The following DPP10 variants were observed in gnomAD, a reference collection of about 807,000 sequenced individuals.
The protein encoded by DPP10 is dipeptidyl peptidase like 10.
In DPP10, 33 loss-of-function variants were observed where a neutral mutation model predicts 120.9. The observed-to-expected ratio is 0.27, with a 90% CI of 0.21 to 0.37. The LOEUF (loss-of-function observed/expected upper bound fraction) is 0.37. Among genes scored for constraint, DPP10 ranks in the 10% least tolerant of loss-of-function variants. The probability of loss-of-function intolerance (pLI) is 1.00; values close to 1 mark genes in which losing one functional copy is unlikely to be tolerated. For missense variants in DPP10, 816 were observed against 942.8 expected, an observed-to-expected ratio of 0.87 and a Z score of 1.76; for synonymous variants, 337 against 326.1, an observed-to-expected ratio of 1.03 and a Z score of -0.36.
intron 1 of DPP10, among the ~76,000 whole-genome samples, chr2:114,659,176 C>T (rs1301838468): frequency 6.6e-6 from 1 of 152,144 alleles, no homozygotes; most frequent in East Asian, 1.9e-4. Flanking sequence ...ATAAATTACC[C>T]AGTCTCAGGT....
intron 3 of DPP10, among the ~76,000 whole-genome samples, chr2:115,388,543 A>C (rs1470209895): frequency 1.3e-5 from 2 of 152,158 alleles, no homozygotes; most frequent in Non-Finnish European, 2.9e-5. Context: ...TGCTGCTTGG[A>C]CAAATACTTC....
At chr2:114,700,512 TA>T (rs1259600860) in intron 1 of DPP10, among the ~76,000 whole-genome samples, 1 of 152,172 alleles carries the variant, frequency 6.6e-6, no homozygotes, top group African/African-American at 2.4e-5. Flanking sequence ...AGTTTCAAGA[TA>T]AATTGGTTCT....
At chr2:114,529,781 A>T (rs1030643227) in intron 1 of DPP10, among the ~76,000 whole-genome samples, 4 of 152,068 alleles carry the variant, frequency 2.6e-5, no homozygotes, top group African/African-American at 9.7e-5. Flanking sequence ...AGATTATTTC[A>T]TCACACAGGT....
intron 1 of DPP10, among the ~76,000 whole-genome samples, chr2:114,488,176 G>A (rs557223229): frequency 1.3e-5 from 2 of 152,236 alleles, no homozygotes; most frequent in East Asian, 1.9e-4. Context: ...AATATGTCAG[G>A]GCCCACCTGT....
intron 5 of DPP10, among the ~76,000 whole-genome samples, chr2:115,632,470 G>C (rs955254378): frequency 1.3e-5 from 2 of 152,026 alleles, no homozygotes; most frequent in African/African-American, 4.8e-5. Flanking sequence ...TTTTTGTAAT[G>C]GCTGTTAACG....
chr2:115,005,628 T>C (rs1292138008), intron 1 of DPP10, among the ~76,000 whole-genome samples: 1 of 151,646 alleles, frequency 6.6e-6, no homozygotes, highest in African/African-American at 2.4e-5. Context: ...TAATGGAAGA[T>C]GAAATGAATG....
chr2:115,171,365 A>T, intron 1 of DPP10, among the ~76,000 whole-genome samples: 1 of 151,614 alleles, frequency 6.6e-6, no homozygotes, highest in Non-Finnish European at 1.5e-5. Flanking sequence ...CATCAAAAAA[A>T]AAAAAAAAAG....
intron 1 of DPP10, among the ~76,000 whole-genome samples, chr2:114,534,062 T>C (rs529181617): frequency 6.6e-6 from 1 of 152,364 alleles, no homozygotes; most frequent in Non-Finnish European, 1.5e-5. Flanking sequence ...CAGTATATTC[T>C]CTTAACTTTA....
rs184324644 is a variant in DPP10, at chr2:115,096,845, C to T, written c.61-212394C>T. On this transcript the variant is annotated intron_variant, in intron 1 of 25. Coordinates refer to ENST00000410059, the MANE Select transcript of DPP10 (RefSeq NM_020868.6). ...TTGTTATTTATTTGTCGTAACAGTTCGTCTCAGATGTGATAGATACACAGT... is the reference window on the plus strand; with the variant it reads ...TTGTTATTTATTTGTCGTAACAGTTTGTCTCAGATGTGATAGATACACAGT... Among the ~76,000 whole-genome samples the T allele has an allele frequency of 2.4e-4, 37 of 152,174 alleles. No homozygotes were observed. In the East Asian group the frequency reaches 5.4e-3, roughly 22 times the overall value.
chr2:115,465,915 A>C (rs1042504993), intron 3 of DPP10, among the ~76,000 whole-genome samples: 2 of 152,164 alleles, frequency 1.3e-5, no homozygotes, highest in African/African-American at 4.8e-5. Context: ...GCCATGAGTC[A>C]AACACTATCG....
intron 1 of DPP10, among the ~76,000 whole-genome samples, chr2:114,988,617 T>G (rs1007229013): frequency 6.6e-6 from 1 of 152,226 alleles, no homozygotes; most frequent in African/African-American, 2.4e-5. Context: ...TTTGTAGCCC[T>G]TTTTCTCATC....
chr2:115,050,459 C>A (rs542307189), intron 1 of DPP10, among the ~76,000 whole-genome samples: 22 of 152,164 alleles, frequency 1.4e-4, no homozygotes, highest in African/African-American at 5.3e-4. Flanking sequence ...TGGAACTCTC[C>A]CAGTGCTGAG....
At chr2:114,578,231 G>A (rs79757962) in intron 1 of DPP10, among the ~76,000 whole-genome samples, 1,529 of 152,262 alleles carry the variant, frequency 0.01, 28 homozygotes, top group African/African-American at 0.034. Flanking sequence ...TTATACAAAT[G>A]TATGTAATGC....
chr2:114,443,934 C>G (rs545060364), intron 1 of DPP10, among the ~76,000 whole-genome samples: 1 of 152,198 alleles, frequency 6.6e-6, no homozygotes, highest in South Asian at 2.1e-4. Flanking sequence ...ATGAATTTAC[C>G]TACCGTTTGC....
chr2:115,408,113 G>GT, intron 3 of DPP10, among the ~76,000 whole-genome samples: 1 of 152,134 alleles, frequency 6.6e-6, no homozygotes, highest in East Asian at 1.9e-4. Context: ...CCATCCATGG[G>GT]TGTTAAAGTG....
At chr2:114,527,827 G>C (rs1037277752) in intron 1 of DPP10, among the ~76,000 whole-genome samples, 1 of 152,100 alleles carries the variant, frequency 6.6e-6, no homozygotes, top group Non-Finnish European at 1.5e-5. Flanking sequence ...GCATGTTACT[G>C]TACTGAATAC....
chr2:114,523,244 G>C (rs1050807528), intron 1 of DPP10, among the ~76,000 whole-genome samples: 1 of 152,168 alleles, frequency 6.6e-6, no homozygotes, highest in Non-Finnish European at 1.5e-5. Context: ...GAGGTGAGGG[G>C]CTGGACTTTT....
intron 1 of DPP10, among the ~76,000 whole-genome samples, chr2:114,534,420 G>A (rs1049449579): frequency 6.6e-6 from 1 of 152,102 alleles, no homozygotes; most frequent in African/African-American, 2.4e-5. Context: ...CTACTCAGAG[G>A]TTTATTTGAA....
chr2:115,618,225 G>A (rs1163468900), intron 5 of DPP10, among the ~76,000 whole-genome samples: 1 of 152,164 alleles, frequency 6.6e-6, no homozygotes, highest in Non-Finnish European at 1.5e-5. Flanking sequence ...CTAGGGATGA[G>A]TGTTTTGAAA....
Sources: allele counts gnomAD v4.1 joint callset (sites outside exome capture counted in the v4.1 genomes callset), GRCh38; gene constraint gnomAD v4.1.1; transcripts MANE v1.5; gene names NCBI Gene and HGNC (gene_info 2026-07-23, HGNC 2026-07-21).